SDCCAG8: variants seen among roughly 807,000 people sequenced by gnomAD.
SDCCAG8 encodes the protein serologically defined colon cancer antigen 8.
In SDCCAG8, 74 loss-of-function variants were observed where a neutral mutation model predicts 101.8. The ratio of observed to expected loss-of-function variants is 0.73; its 90% confidence interval spans 0.60 to 0.88. The LOEUF is 0.88. SDCCAG8 is among the 40% of genes least tolerant of loss of function. The probability of loss-of-function intolerance (pLI) is 0.00; values close to 1 mark genes in which losing one functional copy is unlikely to be tolerated. For missense variants in SDCCAG8, 787 were observed against 822.6 expected (o/e 0.96, Z 0.53); for synonymous variants, 281 against 292.9 (o/e 0.96, Z 0.41).
intron 9 of SDCCAG8, among the ~76,000 whole-genome samples, chr1:243,325,115 C>T (rs1311699371): frequency 6.6e-6 from 1 of 152,190 alleles, no homozygotes; most frequent in Non-Finnish European, 1.5e-5. Flanking sequence ...ACCTTGAAAT[C>T]AGGTCTGTGA....
chr1:243,489,790 G>A (rs1665930628), intron 17 of SDCCAG8, among the ~76,000 whole-genome samples: 1 of 152,206 alleles, frequency 6.6e-6, no homozygotes, highest in Admixed American at 6.5e-5. Context: ...CGCAAACGGA[G>A]GCTAAGCCTG....
intron 17 of SDCCAG8, among the ~76,000 whole-genome samples, chr1:243,496,096 C>A (rs1486361955): frequency 6.6e-6 from 1 of 152,212 alleles, no homozygotes; most frequent in African/African-American, 2.4e-5. Context: ...AGGATTAGTG[C>A]TGAGATCATT....
chr1:243,316,606 G>C (rs529225556), intron 8 of SDCCAG8, 149 bp from the exon 9 acceptor site: 10 of 907,220 alleles, frequency 1.1e-5, no homozygotes, highest in Admixed American at 4.4e-5. Flanking sequence ...AGGACAGAGG[G>C]TCTTTCTCTG....
intron 7 of SDCCAG8, chr1:243,305,044 C>T (rs996594585): frequency 2.6e-5 from 10 of 381,560 alleles, no homozygotes; most frequent in Admixed American, 4.2e-5. Flanking sequence ...CGGTGGCTCA[C>T]GCCTGTAATC....
chr1:243,497,279 C>T (rs890321601), intron 17 of SDCCAG8, among the ~76,000 whole-genome samples: 2 of 149,066 alleles, frequency 1.3e-5, no homozygotes, highest in African/African-American at 5.0e-5. Context: ...ACAAATTATC[C>T]AGCCCTCCAG....
intron 12 of SDCCAG8, among the ~76,000 whole-genome samples, chr1:243,367,816 G>A (rs2077067542): frequency 6.6e-6 from 1 of 150,418 alleles, no homozygotes; most frequent in Admixed American, 6.6e-5. Flanking sequence ...AAATATACAT[G>A]TGTATAAAAT....
rs1480180050 is a variant in SDCCAG8 at position 243,327,573 on chromosome 1, A to G, written c.1069-2967A>G. ...AATTATAATCATTTGATGATAGTTGATTGTTTACTGACCTAGCCTTTGAGA... is the reference window on the plus strand; with the variant it reads ...AATTATAATCATTTGATGATAGTTGGTTGTTTACTGACCTAGCCTTTGAGA... On this transcript the variant is annotated intron_variant, in intron 9 of 17. Transcript: ENST00000366541. Among the ~76,000 whole-genome samples, 4 of 151,670 alleles carry G rather than the reference A, an allele frequency of 2.6e-5. No individual in the cohort carries two copies. The East Asian group carries it at 7.7e-4, about 29-fold the overall frequency.
At chr1:243,300,385 T>G (rs2071384995) in intron 6 of SDCCAG8, among the ~76,000 whole-genome samples, 3 of 152,228 alleles carry the variant, frequency 2.0e-5, no homozygotes, top group Admixed American at 2.0e-4. Context: ...TTGCTTTTGT[T>G]CATGTGCTTA....
chr1:243,345,027 T>G (rs1472494757), intron 12 of SDCCAG8, among the ~76,000 whole-genome samples: 2 of 152,322 alleles, frequency 1.3e-5, no homozygotes, highest in African/African-American at 4.8e-5. Context: ...AAGGTTTTCA[T>G]TCTTTGTATT....
rs768207230 is a variant in SDCCAG8, at chr1:243,274,633, G to T, written c.397G>T (p.Glu133Ter). The change falls in exon 4 of 18, where the codon GAG becomes TAG. Residue 133 changes from glutamate to a stop codon, truncating the protein, a stop_gained. Coordinates refer to ENST00000366541, the MANE Select transcript of SDCCAG8 (RefSeq NM_006642.5). LOFTEE classifies it high-confidence loss of function. ...NDQSQYIHHLEAEVKFCKEEL... is the reference protein window; with the variant it reads ...NDQSQYIHHL ...CCAGTCTCAATATATTCATCATTTA[G>T]AGGCAGAAGTTAAGTTCTGCAAGGT... 8 of 1,603,456 alleles carry T rather than the reference G, an allele frequency of 5.0e-6. No individual in the cohort carries two copies. In the Admixed American group the frequency reaches 6.7e-5, roughly 13 times the overall value.
intron 17 of SDCCAG8, among the ~76,000 whole-genome samples, chr1:243,495,474 G>A (rs968662859): frequency 4.6e-5 from 7 of 152,288 alleles, no homozygotes; most frequent in East Asian, 3.9e-4. Flanking sequence ...GGGCCCAGCC[G>A]GGCAGCCAGG....
intron 17 of SDCCAG8, among the ~76,000 whole-genome samples, chr1:243,491,098 T>C (rs1313297498): frequency 1.3e-5 from 2 of 152,216 alleles, no homozygotes; most frequent in African/African-American, 2.4e-5. Context: ...GCAGCTTCCT[T>C]TGGGCTCTGG....
chr1:243,353,449 C>A (rs1558341069), intron 12 of SDCCAG8, among the ~76,000 whole-genome samples: 1 of 125,900 alleles, frequency 7.9e-6, no homozygotes, highest in East Asian at 2.4e-4. Context: ...TGGGATTGTG[C>A]CACTGCACTC....
intron 16 of SDCCAG8, among the ~76,000 whole-genome samples, chr1:243,471,162 G>A (rs1661189302): frequency 6.6e-6 from 1 of 152,120 alleles, no homozygotes; most frequent in African/African-American, 2.4e-5. Context: ...GATGGTTGGA[G>A]CGTCTGGATT....
chr1:243,317,532 G>T (rs1573237574), intron 9 of SDCCAG8, among the ~76,000 whole-genome samples: 1 of 152,068 alleles, frequency 6.6e-6, no homozygotes, highest in Non-Finnish European at 1.5e-5. Context: ...TGTTAGCCAG[G>T]CTGGTCTGGA....
intron 13 of SDCCAG8, among the ~76,000 whole-genome samples, chr1:243,395,889 A>C (rs1015707834): frequency 5.3e-5 from 8 of 151,998 alleles, no homozygotes; most frequent in African/African-American, 1.9e-4. Flanking sequence ...TTTTTCTAAA[A>C]ATTTAGAAAA....
intron 4 of SDCCAG8, among the ~76,000 whole-genome samples, chr1:243,280,132 T>C (rs1227735462): frequency 6.6e-6 from 1 of 152,184 alleles, no homozygotes; most frequent in Admixed American, 6.5e-5. Flanking sequence ...TTTTCATGGA[T>C]TGTGTCTTAC....
intron 4 of SDCCAG8, among the ~76,000 whole-genome samples, chr1:243,280,840 T>C (rs563476893): frequency 1.3e-5 from 2 of 152,352 alleles, no homozygotes; most frequent in South Asian, 4.1e-4. Flanking sequence ...TCTGTCTTGG[T>C]GAATGTTCTG....
chr1:243,435,494 T>C (rs2082071457), intron 16 of SDCCAG8, among the ~76,000 whole-genome samples: 1 of 152,234 alleles, frequency 6.6e-6, no homozygotes, highest in Non-Finnish European at 1.5e-5. Flanking sequence ...CATGCTGAGC[T>C]CTGTTCTGGA....
Sources: allele counts gnomAD v4.1 joint callset (sites outside exome capture counted in the v4.1 genomes callset), GRCh38; gene constraint gnomAD v4.1.1; transcripts MANE v1.5; gene names NCBI Gene and HGNC (gene_info 2026-07-23, HGNC 2026-07-21).